SREBF2: variants seen among roughly 807,000 people sequenced by gnomAD.
SREBF2 encodes the protein sterol regulatory element-binding protein 2.
A neutral mutation model predicts 113.1 loss-of-function variants in SREBF2; 55 were observed. The observed-to-expected ratio is 0.49, with a 90% CI of 0.39 to 0.61. SREBF2 has a LOEUF of 0.61. Ranked by LOEUF, SREBF2 falls within the 20% of genes least tolerant of loss-of-function variation. The pLI is 0.00. For synonymous variants in SREBF2, 593 were observed against 605.7 expected, an observed-to-expected ratio of 0.98 and a Z score of 0.31; for missense variants, 1,349 against 1,487.4, an observed-to-expected ratio of 0.91 and a Z score of 1.53.
At chr22:41,889,283 C>T (rs763124544) in intron 11 of SREBF2, among the ~76,000 whole-genome samples, 3 of 152,106 alleles carry the variant, frequency 2.0e-5, no homozygotes, top group Non-Finnish European at 2.9e-5. Context: ...TACACCACCA[C>T]ACCGAGCTTA....
intron 1 of SREBF2, among the ~76,000 whole-genome samples, chr22:41,864,474 C>A (rs2077057350): frequency 2.0e-5 from 3 of 150,848 alleles, no homozygotes; most frequent in African/African-American, 7.3e-5. Flanking sequence ...GCGCCCACCA[C>A]CACGCCCAGC....
chr22:41,855,920 C>G (rs958232839), intron 1 of SREBF2, among the ~76,000 whole-genome samples: 1 of 151,084 alleles, frequency 6.6e-6, no homozygotes, highest in African/African-American at 2.4e-5. Flanking sequence ...GAGGCCTGAC[C>G]AAGTTTTTTT....
At chr22:41,869,892 C>T (rs1292124282) in intron 3 of SREBF2, among the ~76,000 whole-genome samples, 2 of 145,442 alleles carry the variant, frequency 1.4e-5, no homozygotes, top group Admixed American at 6.9e-5. Flanking sequence ...CTTGCTCTGT[C>T]GCCCAGGCTG....
chr22:41,872,075 C>G (rs1735314323), intron 4 of SREBF2, among the ~76,000 whole-genome samples: 3 of 151,644 alleles, frequency 2.0e-5, no homozygotes, highest in Admixed American at 2.0e-4. Flanking sequence ...ATGGTGAAAC[C>G]CCGTCTCTGC....
intron 11 of SREBF2, among the ~76,000 whole-genome samples, chr22:41,890,054 TAAG>T (rs969293261): frequency 6.6e-6 from 1 of 152,140 alleles, no homozygotes; most frequent in Admixed American, 6.5e-5. Flanking sequence ...TCATGGTTAT[TAAG>T]AATCCAAAAT....
At chr22:41,892,726 C>T (rs930115980) in intron 11 of SREBF2, among the ~76,000 whole-genome samples, 1 of 152,042 alleles carries the variant, frequency 6.6e-6, no homozygotes, top group Non-Finnish European at 1.5e-5. Flanking sequence ...CTCTCGGGGC[C>T]GAGGGGAAAG....
chr22:41,885,055 T>C (rs1569402197), intron 11 of SREBF2, 44 bp downstream of exon 11: 2 of 1,609,160 alleles, frequency 1.2e-6, no homozygotes, highest in Admixed American at 1.7e-5. Context: ...CCCTGAGCAC[T>C]TACCTAGCCA....
rs745481433 is a variant in SREBF2, at chr22:41,902,999, A to G, written c.2937A>G (p.Leu979=). The change falls in exon 17 of 19, where the codon CTA becomes CTG. Residue 979 remains leucine, a synonymous_variant. Coordinates refer to ENST00000361204, the MANE Select transcript of SREBF2 (RefSeq NM_004599.4). ...TCCAGCTGCTCACCTGTGACCTGCT[A>G]CTGTCGCTACGGACAGCGCTCTGGC... ...HVVQLLTCDL[L]LSLRTALWQK... is the part of the protein sequence containing the mutation. 1.9e-6 allele frequency: 3 copies of G among 1,611,674 alleles called. No individual in the cohort carries two copies. Among genetic ancestry groups the G allele is most frequent in the Middle Eastern group, 1.7e-4 (1 of 6,056 alleles).
At chr22:41,883,915 C>T (rs1254891123) in intron 10 of SREBF2, among the ~76,000 whole-genome samples, 8 of 152,226 alleles carry the variant, frequency 5.3e-5, no homozygotes, top group Non-Finnish European at 1.2e-4. Context: ...ATGAAAGCCT[C>T]ACGAGAGCTG....
chr22:41,893,205 G>C lies in SREBF2; in HGVS notation c.2297G>C (p.Gly766Ala). The change falls in exon 12 of 19, where the codon GGC (glycine) becomes GCC (alanine). Residue 766 changes from glycine to alanine, a missense_variant. Coordinates refer to ENST00000361204, the MANE Select transcript of SREBF2 (RefSeq NM_004599.4). Reference protein sequence around the residue: ...DSLRWLCHPLGQKFFMERSWS... With the variant: ...DSLRWLCHPLAQKFFMERSWS... ...CTGCGCTGGCTCTGCCACCCCCTGG[G>C]CCAGAAGTTTTTCATGGAGCGGAGC... The C allele has an allele frequency of 6.2e-7, 1 of 1,614,160 alleles. No homozygotes were observed. Among genetic ancestry groups the C allele is most frequent in the South Asian group, 1.1e-5 (1 of 91,082 alleles).
chr22:41,878,254 C>A, intron 9 of SREBF2, 131 bp downstream of exon 9: 1 of 1,246,322 alleles, frequency 8.0e-7, no homozygotes, highest in Non-Finnish European at 1.1e-6. Flanking sequence ...TGAATAGTCA[C>A]AGGGCAGTGG....
chr22:41,864,261 T>TATATATATATATATACACAC (rs1204150898), intron 1 of SREBF2, among the ~76,000 whole-genome samples: 1 of 51,014 alleles, frequency 2.0e-5, no homozygotes, highest in Non-Finnish European at 3.6e-5. Flanking sequence ...TATATATATA[T>TATATATATATATATACACAC]ACACACACAC....
intron 1 of SREBF2, among the ~76,000 whole-genome samples, chr22:41,859,591 A>C (rs1187377698): frequency 2.0e-5 from 3 of 152,044 alleles, no homozygotes; most frequent in Admixed American, 2.0e-4. Context: ...GTAAGAGTTA[A>C]AGCAAAAGTG....
At chr22:41,839,037 A>G (rs1444067016) in intron 1 of SREBF2, among the ~76,000 whole-genome samples, 2 of 152,152 alleles carry the variant, frequency 1.3e-5, no homozygotes, top group Admixed American at 1.3e-4. Flanking sequence ...CTGAGTGTTC[A>G]CACCATTGGG....
intron 1 of SREBF2, among the ~76,000 whole-genome samples, chr22:41,839,313 G>T (rs2076806479): frequency 6.6e-6 from 1 of 152,132 alleles, no homozygotes; most frequent in Non-Finnish European, 1.5e-5. Flanking sequence ...CTTAGGAGAA[G>T]GTAAAACTGG....
In SREBF2 at chr22:41,870,984, G is replaced by A. The variant is rs1316305023; in HGVS notation, c.816G>A (p.Pro272=). The part of the protein sequence containing the change: ...GSPVMAAVQN[P]ALTALTTPIQ... ...CTGTTATGGCTGCGGTCCAGAACCCGGCCCTCACCGCCCTCACCACCCCTA... is the reference window on the plus strand; with the variant it reads ...CTGTTATGGCTGCGGTCCAGAACCCAGCCCTCACCGCCCTCACCACCCCTA... The change falls in exon 4 of 19, where the codon CCG becomes CCA. Residue 272 remains proline (P), a synonymous_variant. Transcript: ENST00000361204. The A allele has an allele frequency of 5.6e-6, 9 of 1,614,004 alleles. No individual in the cohort carries two copies. The highest frequency in any genetic ancestry group is 7.6e-6 in the Non-Finnish European group (9 of 1,179,988).
At position 41,884,759 on chromosome 22, in the gene SREBF2, T is replaced by TA. The variant is rs1345639355; in HGVS notation, c.2039-82dup. 1.1e-5 allele frequency: 17 copies of TA among 1,480,826 alleles called. No homozygotes were observed. In the East Asian group the frequency reaches 3.2e-4, roughly 28 times the overall value. The allele number at this position is 1,480,826 out of a possible 1,614,324, so 91.7% of individuals were successfully genotyped here. ...CTCGCTTCTCCCCTGGTTCCTCTCT[T>TA]ACTTTGATCGTGCTGGAGAGAGCAG... On this transcript the variant is annotated intron_variant, in intron 10 of 18. Coordinates refer to ENST00000361204, the MANE Select transcript of SREBF2 (RefSeq NM_004599.4).
At chr22:41,888,619 C>A (rs997155277) in intron 11 of SREBF2, among the ~76,000 whole-genome samples, 2 of 152,166 alleles carry the variant, frequency 1.3e-5, no homozygotes, top group Admixed American at 1.3e-4. Context: ...TACAGAGGTA[C>A]TTGATGCTGC....
At chr22:41,835,188 G>C (rs925940717) in intron 1 of SREBF2, among the ~76,000 whole-genome samples, 1 of 14,622 alleles carries the variant, frequency 6.8e-5, no homozygotes, top group African/African-American at 4.5e-4. Context: ...TTGAGACAGG[G>C]TCTCATTCTG....
Sources: allele counts gnomAD v4.1 joint callset (sites outside exome capture counted in the v4.1 genomes callset), GRCh38; gene constraint gnomAD v4.1.1; transcripts MANE v1.5; gene names NCBI Gene and HGNC (gene_info 2026-07-23, HGNC 2026-07-21).